PRL: variants seen among roughly 807,000 people sequenced by gnomAD.
PRL encodes the protein decidual prolactin.
A neutral mutation model predicts 21.3 loss-of-function variants in PRL; 24 were observed. That is an observed-to-expected ratio of 1.13 (90% CI 0.82 to 1.59). PRL has a LOEUF of 1.59. Ranked by LOEUF, PRL falls within the 40% of genes most tolerant of loss-of-function variation. The pLI, the probability that PRL is intolerant of heterozygous loss-of-function variation, is 0.00. For missense variants in PRL, 243 were observed against 286.9 expected (o/e 0.85, Z 1.10); for synonymous variants, 118 against 115.7 (o/e 1.02, Z -0.13).
At chr6:22,296,921 T>A (rs1761191122) in intron 1 of PRL, 34 bp downstream of exon 1, 1 of 1,609,096 alleles carries the variant, frequency 6.2e-7, no homozygotes, top group South Asian at 1.1e-5. Flanking sequence ...GGAGTGTTGA[T>A]ACAACCAACA....
intron 2 of PRL, among the ~76,000 whole-genome samples, chr6:22,293,113 C>A (rs1439561217): frequency 6.6e-6 from 1 of 152,210 alleles, no homozygotes; most frequent in Non-Finnish European, 1.5e-5. Flanking sequence ...ATTATAAAAT[C>A]ATAACTTTTC....
At chr6:22,294,896 C>A (rs1761142950) in intron 1 of PRL, among the ~76,000 whole-genome samples, 1 of 152,164 alleles carries the variant, frequency 6.6e-6, no homozygotes, top group African/African-American at 2.4e-5. Context: ...TTGGATCATT[C>A]TCTTAAGATA....
chr6:22,290,544 T>C (rs1208522941), intron 3 of PRL, among the ~76,000 whole-genome samples, 191 bp from the exon 4 acceptor site: 5 of 151,638 alleles, frequency 3.3e-5, no homozygotes, highest in African/African-American at 4.8e-5. Context: ...TTGCTAAAAT[T>C]AAAAAAAAAT....
At chr6:22,296,193 G>A (rs749018208) in intron 1 of PRL, among the ~76,000 whole-genome samples, 20 of 152,076 alleles carry the variant, frequency 1.3e-4, no homozygotes, top group Non-Finnish European at 2.6e-4. Context: ...AGCATGGAAA[G>A]GATTTTTAAA....
intron 1 of PRL, among the ~76,000 whole-genome samples, chr6:22,296,717 T>C (rs1761183146): frequency 6.6e-6 from 1 of 152,210 alleles, no homozygotes; most frequent in African/African-American, 2.4e-5. Context: ...CCCACCTCAG[T>C]TAAGACAACC....
rs753000990 is a variant in PRL, at chr6:22,294,477, G to A, written c.136C>T (p.Leu46=). Residue 46 remains leucine (L), a synonymous_variant, in exon 2 of 5, where the codon CTG becomes TTG. Coordinates refer to ENST00000306482, the MANE Select transcript of PRL (RefSeq NM_000948.6). The stretch of plus-strand genomic sequence containing the variant: ...GACAGGACGACGGCGCGGTCAAACA[G>A]GTCTCGAAGGGTCACCTGGCATCGG... ...AARCQVTLRD[L]FDRAVVLSHY... is the part of the protein sequence containing the mutation. The A allele has an allele frequency of 6.2e-7, 1 of 1,614,176 alleles. No homozygotes were observed. Among genetic ancestry groups the A allele is most frequent in the East Asian group, 2.2e-5 (1 of 44,876 alleles).
chr6:22,300,907 G>A (rs554111303), upstream of PRL, among the ~76,000 whole-genome samples: 2 of 152,266 alleles, frequency 1.3e-5, no homozygotes, highest in African/African-American at 4.8e-5. Context: ...TGCTTGTTCT[G>A]AATCATGTGT....
chr6:22,294,655 G>T (rs1290079994), intron 1 of PRL, 71 bp from the exon 2 acceptor site: 17 of 1,452,050 alleles, frequency 1.2e-5, no homozygotes, highest in Non-Finnish European at 1.5e-5. Flanking sequence ...TAATCCTGCC[G>T]AGGAAAGCCT....
upstream of PRL, among the ~76,000 whole-genome samples, chr6:22,300,389 A>G (rs549816832): frequency 4.5e-4 from 69 of 152,346 alleles, 1 homozygote; most frequent in Admixed American, 2.5e-3. Context: ...CTGAGCTTTC[A>G]GCCAGTTACA....
chr6:22,295,032 A>T (rs1761146238), intron 1 of PRL, among the ~76,000 whole-genome samples: 1 of 152,190 alleles, frequency 6.6e-6, no homozygotes, highest in South Asian at 2.1e-4. Flanking sequence ...AAAACAGTAC[A>T]GTCGATCCTT....
At chr6:22,289,425 G>A (rs1404066834) in intron 4 of PRL, among the ~76,000 whole-genome samples, 2 of 152,134 alleles carry the variant, frequency 1.3e-5, no homozygotes, top group Non-Finnish European at 2.9e-5. Flanking sequence ...CCATCTGAAT[G>A]GAGATATCTA....
intron 2 of PRL, among the ~76,000 whole-genome samples, chr6:22,293,472 G>A (rs1761097073): frequency 6.6e-6 from 1 of 152,020 alleles, no homozygotes; most frequent in Non-Finnish European, 1.5e-5. Flanking sequence ...ATTTATTAAA[G>A]CACTAATCTA....
At chr6:22,299,895 G>A (rs1581390743), upstream of PRL, among the ~76,000 whole-genome samples, 1 of 152,132 alleles carries the variant, frequency 6.6e-6, no homozygotes, top group East Asian at 1.9e-4. Context: ...TGCAAAATAT[G>A]CTAAGGGATA....
chr6:22,293,358 A>ATTTATT (rs1761093648), intron 2 of PRL, among the ~76,000 whole-genome samples: 2 of 152,296 alleles, frequency 1.3e-5, no homozygotes, highest in East Asian at 3.9e-4. Flanking sequence ...TACTAGGAAG[A>ATTTATT]TTTGGAAGAC....
chr6:22,290,150 A>G (rs550447911), intron 4 of PRL, 24 bp downstream of exon 4: 1 of 1,508,530 alleles, frequency 6.6e-7, no homozygotes. Flanking sequence ...GAGAAAAACA[A>G]AGAAGCACCA....
chr6:22,300,942 G>C (rs1248116199), upstream of PRL, among the ~76,000 whole-genome samples: 1 of 152,162 alleles, frequency 6.6e-6, no homozygotes. Context: ...TTTAATGCCT[G>C]ATATAAAATA....
intron 3 of PRL, among the ~76,000 whole-genome samples, 169 bp from the exon 4 acceptor site, chr6:22,290,522 T>C (rs1426297455): frequency 6.6e-6 from 1 of 152,184 alleles, no homozygotes; most frequent in Non-Finnish European, 1.5e-5. Flanking sequence ...ATTGAAACTA[T>C]TGGCCTAAAC....
upstream of PRL, among the ~76,000 whole-genome samples, chr6:22,298,069 G>A (rs1243388586): frequency 1.3e-5 from 2 of 152,146 alleles, no homozygotes; most frequent in Non-Finnish European, 1.5e-5. Context: ...AAACACACAT[G>A]TGTGTGCACA....
At chr6:22,297,890 T>G (rs1176341327), upstream of PRL, among the ~76,000 whole-genome samples, 1 of 152,162 alleles carries the variant, frequency 6.6e-6, no homozygotes, top group African/African-American at 2.4e-5. Context: ...TATAGTTGAG[T>G]TAAATGAAGG....
Sources: allele counts gnomAD v4.1 joint callset (sites outside exome capture counted in the v4.1 genomes callset), GRCh38; gene constraint gnomAD v4.1.1; transcripts MANE v1.5; gene names NCBI Gene and HGNC (gene_info 2026-07-23, HGNC 2026-07-21).